The following LRP1B variants were observed in gnomAD, a reference collection of about 807,000 sequenced individuals.
LRP1B encodes the protein low-density lipoprotein receptor-related protein 1B.
Under a neutral mutation model 556.6 loss-of-function variants are expected in LRP1B, and 217 were observed. The observed-to-expected ratio is 0.39, with a 90% CI of 0.35 to 0.44. The LOEUF is 0.44. Ranked by LOEUF, LRP1B falls within the 20% of genes least tolerant of loss-of-function variation. The probability of loss-of-function intolerance (pLI) is 1.00; values close to 1 mark genes in which losing one functional copy is unlikely to be tolerated. For missense variants in LRP1B, 5,053 were observed against 5,620.8 expected, an observed-to-expected ratio of 0.90 and a Z score of 3.23; for synonymous variants, 2,047 against 1,865.8, an observed-to-expected ratio of 1.10 and a Z score of -2.50.
intron 3 of LRP1B, among the ~76,000 whole-genome samples, chr2:141,297,020 C>T (rs187986265): frequency 5.8e-4 from 88 of 152,214 alleles, no homozygotes; most frequent in African/African-American, 2.0e-3. Context: ...ATCCATGTTG[C>T]GGCAAAGGAT....
intron 14 of LRP1B, among the ~76,000 whole-genome samples, chr2:141,006,414 A>G (rs1373629178): frequency 6.6e-6 from 1 of 152,026 alleles, no homozygotes; most frequent in African/African-American, 2.4e-5. Flanking sequence ...ATCCTTTAAC[A>G]ATTGTAAAGG....
intron 11 of LRP1B, among the ~76,000 whole-genome samples, chr2:141,032,824 TAC>T (rs1160385082): frequency 6.9e-6 from 1 of 145,332 alleles, no homozygotes; most frequent in Non-Finnish European, 1.5e-5. Context: ...TATATATACA[TAC>T]ATATATATAT....
At chr2:141,615,663 A>C (rs528270882) in intron 2 of LRP1B, among the ~76,000 whole-genome samples, 3 of 152,188 alleles carry the variant, frequency 2.0e-5, no homozygotes, top group Non-Finnish European at 4.4e-5. Context: ...AATATAAAAT[A>C]AGAAATTAAA....
At chr2:141,205,663 A>G (rs974056272) in intron 6 of LRP1B, among the ~76,000 whole-genome samples, 2 of 135,646 alleles carry the variant, frequency 1.5e-5, no homozygotes, top group Non-Finnish European at 3.2e-5. Context: ...ACTCAATTGT[A>G]TATTCTTCTT....
intron 83 of LRP1B, among the ~76,000 whole-genome samples, chr2:140,305,894 G>A (rs1684044109): frequency 6.6e-6 from 1 of 151,868 alleles, no homozygotes; most frequent in Admixed American, 6.6e-5. Context: ...GGCCTTTTCT[G>A]CATCTATTGA....
intron 84 of LRP1B, among the ~76,000 whole-genome samples, chr2:140,291,310 ATATATATATT>A (rs1313270715): frequency 4.6e-5 from 3 of 64,736 alleles, no homozygotes; most frequent in East Asian, 3.7e-4. Context: ...ATATATATAT[ATATATATATT>A]TTTATTATAC....
At chr2:141,152,499 A>G (rs888380390) in intron 7 of LRP1B, among the ~76,000 whole-genome samples, 11 of 152,070 alleles carry the variant, frequency 7.2e-5, no homozygotes, top group African/African-American at 2.6e-4. Context: ...GAATGTAAAC[A>G]TGCCAGTAAA....
chr2:140,716,786 C>T lies in LRP1B; in HGVS notation c.5789G>A (p.Gly1930Asp), dbSNP rs1353701182. The change falls in exon 36 of 91, where the codon GGC (glycine) becomes GAC (aspartate). Residue 1930 changes from glycine to aspartate, a missense_variant. Gly to Asp is a moderately conservative substitution (Grantham distance 94, BLOSUM62 -1). Transcript: ENST00000389484. ...ENDTIYWTDM[G>D]FNKISRAKRD... ...TTTAGCTCTGCTAATTTTATTGAAGCCCATGTCTGTCCAGTAGATGGTATC... is the reference window on the plus strand; with the variant it reads ...TTTAGCTCTGCTAATTTTATTGAAGTCCATGTCTGTCCAGTAGATGGTATC... 1.2e-6 allele frequency: 2 copies of T among 1,606,556 alleles called. No homozygotes were observed. The highest frequency in any genetic ancestry group is 1.7e-6 in the Non-Finnish European group (2 of 1,174,356).
chr2:141,482,148 C>T (rs4574058), intron 2 of LRP1B, among the ~76,000 whole-genome samples: 54,305 of 151,746 alleles, frequency 0.36, 10,349 homozygotes, highest in Non-Finnish European at 0.42. Flanking sequence ...TAAAAGAAAA[C>T]AAAAATATCA....
chr2:142,036,884 A>G (rs1703900420), intron 1 of LRP1B, among the ~76,000 whole-genome samples: 1 of 151,688 alleles, frequency 6.6e-6, no homozygotes, highest in African/African-American at 2.4e-5. Flanking sequence ...AACCCATTGT[A>G]ATACCTTTAT....
At chr2:141,312,837 T>C (rs779326694) in intron 3 of LRP1B, among the ~76,000 whole-genome samples, 7 of 151,920 alleles carry the variant, frequency 4.6e-5, no homozygotes, top group Non-Finnish European at 1.0e-4. Flanking sequence ...TACAGGTGCC[T>C]GCCTGGATAA....
At chr2:141,822,126 C>CAGAGAGAGAGAGAGAG (rs1308046198) in intron 1 of LRP1B, among the ~76,000 whole-genome samples, 286 of 114,296 alleles carry the variant, frequency 2.5e-3, no homozygotes, top group Admixed American at 7.8e-3. Context: ...CACACACACA[C>CAGAGAGAGAGAGAGAG]ACACAGAGAG....
intron 1 of LRP1B, among the ~76,000 whole-genome samples, chr2:141,912,270 T>C (rs1437691057): frequency 6.6e-6 from 1 of 152,208 alleles, no homozygotes; most frequent in Non-Finnish European, 1.5e-5. Context: ...TGGGACTTTT[T>C]ATGTATAATT....
chr2:141,432,496 TG>T (rs1462758368), intron 3 of LRP1B, among the ~76,000 whole-genome samples: 3 of 152,216 alleles, frequency 2.0e-5, no homozygotes, highest in African/African-American at 7.2e-5. Flanking sequence ...TAAAATAGTT[TG>T]CAAACAGCTG....
At chr2:140,760,685 G>A (rs943133452) in intron 35 of LRP1B, among the ~76,000 whole-genome samples, 4 of 152,150 alleles carry the variant, frequency 2.6e-5, no homozygotes, top group African/African-American at 7.2e-5. Flanking sequence ...AGGAGTTCAA[G>A]ACCAGCCTTG....
chr2:141,848,230 T>TA (rs770599271), intron 1 of LRP1B, among the ~76,000 whole-genome samples: 1 of 151,650 alleles, frequency 6.6e-6, no homozygotes, highest in Non-Finnish European at 1.5e-5. Context: ...CAGTATTTTT[T>TA]ATGTATATAC....
At chr2:141,482,165 C>A (rs4387729) in intron 2 of LRP1B, among the ~76,000 whole-genome samples, 1 of 152,034 alleles carries the variant, frequency 6.6e-6, no homozygotes, top group Non-Finnish European at 1.5e-5. Flanking sequence ...ATCATACAAG[C>A]AAAAAAACGA....
intron 41 of LRP1B, among the ~76,000 whole-genome samples, chr2:140,656,932 T>G (rs1405828400): frequency 6.6e-6 from 1 of 152,100 alleles, no homozygotes; most frequent in African/African-American, 2.4e-5. Context: ...TTGACAGTAG[T>G]ATAATCACAA....
At chr2:140,586,741 G>A (rs1032897256) in intron 43 of LRP1B, 1 of 152,050 alleles carries the variant, frequency 6.6e-6, no homozygotes, top group Admixed American at 6.6e-5. Flanking sequence ...CTCCTAGACC[G>A]ATGTCAGGGA....
Sources: gnomAD v4.1 joint callset for allele counts (sites outside exome capture counted in the v4.1 genomes callset) on GRCh38, gnomAD v4.1.1 for gene constraint, MANE v1.5 for transcripts, NCBI Gene and HGNC (gene_info 2026-07-23, HGNC 2026-07-21) for gene names.